KIAA1549L: variants seen among roughly 807,000 people sequenced by gnomAD.
KIAA1549L encodes the protein KIAA1549 like, also known as UPF0606 protein KIAA1549L.
A neutral mutation model predicts 160.7 loss-of-function variants in KIAA1549L; 88 were observed. The observed-to-expected ratio is 0.55, with a 90% CI of 0.46 to 0.65. KIAA1549L has a LOEUF of 0.65. Ranked by LOEUF, KIAA1549L falls within the 30% of genes least tolerant of loss-of-function variation. The pLI is 0.00. For missense variants in KIAA1549L, 2,258 were observed against 2,437.5 expected (o/e 0.93, Z 1.55); for synonymous variants, 950 against 976.7 (o/e 0.97, Z 0.51).
intron 1 of KIAA1549L, among the ~76,000 whole-genome samples, chr11:33,435,800 A>ATATGTGTGTGTGTG (rs1554976797): frequency 1.5e-3 from 19 of 12,888 alleles, no homozygotes; most frequent in South Asian, 6.2e-3. Flanking sequence ...ATATATATAT[A>ATATGTGTGTGTGTG]TATATATATA....
rs1853641007 is a variant in KIAA1549L at position 33,527,549 on chromosome 11, C to T, written c.239-14253C>T. Among the ~76,000 whole-genome samples the T allele has an allele frequency of 5.9e-5, 9 of 152,216 alleles. No homozygotes were observed. The South Asian group carries it at 1.9e-3, about 32-fold the overall frequency. On this transcript the variant is annotated intron_variant, in intron 1 of 20. Coordinates refer to ENST00000658780, the MANE Select transcript of KIAA1549L (RefSeq NM_012194.3). The stretch of plus-strand genomic sequence containing the variant: ...TTAGGCAAAGAGTTTATGGCAAGAA[C>T]CCCAAAGCAAATGCAACAAAAACAA...
chr11:33,625,112 T>A (rs2133363047), intron 16 of KIAA1549L, among the ~76,000 whole-genome samples: 1 of 152,068 alleles, frequency 6.6e-6, no homozygotes, highest in East Asian at 1.9e-4. Flanking sequence ...GGCTGCATAG[T>A]ATTCCATGGT....
chr11:33,515,115 T>TA (rs886386495), intron 1 of KIAA1549L, among the ~76,000 whole-genome samples: 1 of 152,206 alleles, frequency 6.6e-6, no homozygotes, highest in Admixed American at 6.5e-5. Flanking sequence ...GGGTCGTATT[T>TA]ATTTGCAGTG....
At chr11:33,482,738 T>C (rs930269816) in intron 1 of KIAA1549L, among the ~76,000 whole-genome samples, 2 of 151,812 alleles carry the variant, frequency 1.3e-5, no homozygotes, top group African/African-American at 4.8e-5. Flanking sequence ...CCTGGCTAAT[T>C]TGTGTGTTTT....
chr11:33,641,570 C>CTGTGTATA, intron 16 of KIAA1549L, among the ~76,000 whole-genome samples: 1 of 55,882 alleles, frequency 1.8e-5, no homozygotes, highest in Non-Finnish European at 3.4e-5. Flanking sequence ...GGTAATGGAT[C>CTGTGTATA]TGTATATATA....
At chr11:33,452,523 G>A (rs1851741423) in intron 1 of KIAA1549L, among the ~76,000 whole-genome samples, 1 of 152,204 alleles carries the variant, frequency 6.6e-6, no homozygotes, top group South Asian at 2.1e-4. Context: ...CAGGAGAATG[G>A]CGTGAACCCA....
At chr11:33,430,105 C>T (rs1246446710) in intron 1 of KIAA1549L, among the ~76,000 whole-genome samples, 2 of 141,668 alleles carry the variant, frequency 1.4e-5, no homozygotes, top group East Asian at 2.3e-4. Flanking sequence ...CTCCCTCCCT[C>T]CACCAGGATT....
intron 15 of KIAA1549L, among the ~76,000 whole-genome samples, chr11:33,618,164 C>A (rs892834725): frequency 1.7e-4 from 26 of 152,216 alleles, no homozygotes; most frequent in Admixed American, 4.6e-4. Flanking sequence ...GTTGCTGAGT[C>A]AACAAAGTCA....
Position 33,543,354 on chromosome 11 carries a change from A to G in KIAA1549L, c.1791A>G (p.Gly597=). The G allele has an allele frequency of 6.2e-7, 1 of 1,613,974 alleles. No individual in the cohort carries two copies. The highest frequency in any genetic ancestry group is 8.5e-7 in the Non-Finnish European group (1 of 1,179,890). The change falls in exon 2 of 21, where the codon GGA becomes GGG. Residue 597 remains glycine, a synonymous_variant. Coordinates refer to ENST00000658780, the MANE Select transcript of KIAA1549L (RefSeq NM_012194.3). ...KEVLSLHTVN[G]FVSDFSTGSV... ...TTTTGAGTCTTCACACTGTAAATGG[A>G]TTTGTCTCTGATTTCAGCACCGGTA...
intron 1 of KIAA1549L, among the ~76,000 whole-genome samples, chr11:33,486,617 A>G (rs1852534166): frequency 6.6e-6 from 1 of 152,010 alleles, no homozygotes; most frequent in South Asian, 2.1e-4. Flanking sequence ...AAAGGTTAGT[A>G]AATGATTTCT....
At chr11:33,570,787 T>C (rs969474828) in intron 9 of KIAA1549L, among the ~76,000 whole-genome samples, 1 of 152,242 alleles carries the variant, frequency 6.6e-6, no homozygotes, top group Non-Finnish European at 1.5e-5. Context: ...AATTTTTAAA[T>C]ATTTGACTTA....
chr11:33,604,857 A>G (rs1424622407), intron 13 of KIAA1549L, among the ~76,000 whole-genome samples: 1 of 152,210 alleles, frequency 6.6e-6, no homozygotes, highest in Non-Finnish European at 1.5e-5. Context: ...AGGATACACT[A>G]CTTACGTGAC....
intron 1 of KIAA1549L, among the ~76,000 whole-genome samples, chr11:33,419,228 A>G (rs1392591196): frequency 2.0e-5 from 3 of 152,186 alleles, no homozygotes; most frequent in Admixed American, 6.5e-5. Flanking sequence ...TAGAAATAAA[A>G]TGGCTAACCA....
chr11:33,611,771 A>G (rs1850654934), intron 15 of KIAA1549L, among the ~76,000 whole-genome samples: 1 of 152,198 alleles, frequency 6.6e-6, no homozygotes, highest in South Asian at 2.1e-4. Flanking sequence ...TCAAGGTGAG[A>G]GGTGGGGCTA....
intron 1 of KIAA1549L, among the ~76,000 whole-genome samples, chr11:33,391,336 C>T (rs1850268954): frequency 6.6e-6 from 1 of 152,176 alleles, no homozygotes; most frequent in African/African-American, 2.4e-5. Context: ...AGCTCCTCCT[C>T]CTTTGCTGTC....
intron 16 of KIAA1549L, among the ~76,000 whole-genome samples, chr11:33,621,239 G>A (rs968886351): frequency 2.6e-5 from 4 of 152,204 alleles, no homozygotes; most frequent in African/African-American, 9.6e-5. Context: ...ATGGATTGTT[G>A]CACAATTTTC....
intron 9 of KIAA1549L, among the ~76,000 whole-genome samples, chr11:33,569,213 C>T (rs1186858651): frequency 2.0e-5 from 3 of 152,188 alleles, no homozygotes; most frequent in African/African-American, 7.2e-5. Context: ...AAACTTTAGC[C>T]AGTTCCTGCA....
At chr11:33,434,487 G>A (rs1313086821) in intron 1 of KIAA1549L, among the ~76,000 whole-genome samples, 1 of 152,164 alleles carries the variant, frequency 6.6e-6, no homozygotes, top group African/African-American at 2.4e-5. Flanking sequence ...TACCAGGAGT[G>A]GGGTTCTAAA....
chr11:33,393,000 G>T (rs996728647), intron 1 of KIAA1549L, among the ~76,000 whole-genome samples: 4 of 152,078 alleles, frequency 2.6e-5, no homozygotes, highest in Non-Finnish European at 4.4e-5. Flanking sequence ...CTCTAGTCTT[G>T]TCCCCCTTTA....
Sources: allele counts gnomAD v4.1 joint callset (sites outside exome capture counted in the v4.1 genomes callset), GRCh38; gene constraint gnomAD v4.1.1; transcripts MANE v1.5; gene names NCBI Gene and HGNC (gene_info 2026-07-23, HGNC 2026-07-21).